HECW2: variants seen among roughly 807,000 people sequenced by gnomAD.
HECW2 encodes the protein E3 ubiquitin-protein ligase HECW2.
In HECW2, 61 loss-of-function variants were observed where a neutral mutation model predicts 175.2. The observed-to-expected ratio is 0.35, with a 90% CI of 0.28 to 0.43. The LOEUF (loss-of-function observed/expected upper bound fraction) is 0.43, where lower values mean the gene tolerates loss of function less well. Among genes scored for constraint, HECW2 ranks in the 20% least tolerant of loss-of-function variants. The probability of loss-of-function intolerance (pLI) is 1.00; values close to 1 mark genes in which losing one functional copy is unlikely to be tolerated. For synonymous variants in HECW2, 671 were observed against 731.0 expected (o/e 0.92, Z 1.32); for missense variants, 1,524 against 2,000.5 (o/e 0.76, Z 4.54).
chr2:196,467,694 C>A (rs1223196545), intron 1 of HECW2, among the ~76,000 whole-genome samples: 2 of 152,170 alleles, frequency 1.3e-5, no homozygotes, highest in Admixed American at 1.3e-4. Context: ...ATTGAGCATA[C>A]AAATTATCAC....
At chr2:196,560,904 C>T (rs556300510) in intron 1 of HECW2, among the ~76,000 whole-genome samples, 5 of 152,204 alleles carry the variant, frequency 3.3e-5, no homozygotes, top group Admixed American at 6.5e-5. Flanking sequence ...GGATGTATGT[C>T]GCCTCAGGAC....
intron 1 of HECW2, among the ~76,000 whole-genome samples, chr2:196,561,440 C>T (rs1689997577): frequency 6.6e-6 from 1 of 152,184 alleles, no homozygotes; most frequent in Non-Finnish European, 1.5e-5. Context: ...CCCGCCCTGA[C>T]CTTCTGCCTT....
At chr2:196,511,094 T>C (rs1440099795) in intron 1 of HECW2, among the ~76,000 whole-genome samples, 2 of 152,196 alleles carry the variant, frequency 1.3e-5, no homozygotes, top group African/African-American at 4.8e-5. Context: ...GCCTCCCAAG[T>C]AGCTGGGATT....
intron 2 of HECW2, among the ~76,000 whole-genome samples, chr2:196,349,458 G>A (rs1285991828): frequency 1.3e-5 from 2 of 151,952 alleles, no homozygotes; most frequent in East Asian, 1.9e-4. Context: ...TGTGTCTCAC[G>A]ACTTCTTCAT....
intron 19 of HECW2, among the ~76,000 whole-genome samples, chr2:196,245,086 T>A (rs1688597223): frequency 6.6e-6 from 1 of 151,994 alleles, no homozygotes; most frequent in Admixed American, 6.6e-5. Context: ...CTGGAGTGAG[T>A]GACTCAGAGA....
At chr2:196,396,281 T>C (rs892420933) in intron 2 of HECW2, among the ~76,000 whole-genome samples, 16 of 152,104 alleles carry the variant, frequency 1.1e-4, no homozygotes, top group African/African-American at 3.6e-4. Context: ...AAACAAGCAA[T>C]AGCACAAAAG....
chr2:196,388,172 C>G (rs995995195), intron 2 of HECW2, among the ~76,000 whole-genome samples: 1 of 151,990 alleles, frequency 6.6e-6, no homozygotes, highest in African/African-American at 2.4e-5. Flanking sequence ...GTGGCATGCA[C>G]CTGTAGTCTC....
intron 14 of HECW2, among the ~76,000 whole-genome samples, chr2:196,279,101 T>A (rs990136246): frequency 6.6e-6 from 1 of 151,946 alleles, no homozygotes; most frequent in African/African-American, 2.4e-5. Context: ...CAGGCTGGAG[T>A]GCAGTGGCGC....
chr2:196,451,670 C>A (rs1352648645), intron 1 of HECW2, among the ~76,000 whole-genome samples: 1 of 151,914 alleles, frequency 6.6e-6, no homozygotes, highest in Non-Finnish European at 1.5e-5. Flanking sequence ...GAGGCCAAGG[C>A]AAGAGGATCA....
chr2:196,510,284 AGT>A (rs1457741741), intron 1 of HECW2, among the ~76,000 whole-genome samples: 3 of 152,266 alleles, frequency 2.0e-5, no homozygotes, highest in African/African-American at 7.2e-5. Context: ...GTTGCAGACC[AGT>A]CCTAGAACTA....
chr2:196,346,694 A>G (rs1464555585), intron 2 of HECW2, among the ~76,000 whole-genome samples: 4 of 152,118 alleles, frequency 2.6e-5, no homozygotes, highest in African/African-American at 9.7e-5. Flanking sequence ...GTTAGTTCAT[A>G]GGCCATGTAG....
At chr2:196,335,329 T>C (rs1268544884) in intron 3 of HECW2, among the ~76,000 whole-genome samples, 1 of 152,234 alleles carries the variant, frequency 6.6e-6, no homozygotes, top group Non-Finnish European at 1.5e-5. Flanking sequence ...AAGATAAACC[T>C]ACAGTCACTG....
chr2:196,301,862 T>C (rs1691074467), intron 13 of HECW2, among the ~76,000 whole-genome samples: 1 of 152,180 alleles, frequency 6.6e-6, no homozygotes, highest in Non-Finnish European at 1.5e-5. Context: ...TAGTTTCTTT[T>C]GCTGTGTAGA....
chr2:196,236,681 C>T (rs745669355), intron 21 of HECW2, among the ~76,000 whole-genome samples: 7 of 152,158 alleles, frequency 4.6e-5, no homozygotes, highest in African/African-American at 1.7e-4. Context: ...GGTAAGGTAT[C>T]TTGTACAATG....
intron 2 of HECW2, among the ~76,000 whole-genome samples, chr2:196,419,567 G>C (rs1031884344): frequency 6.6e-6 from 1 of 152,128 alleles, no homozygotes; most frequent in Non-Finnish European, 1.5e-5. Context: ...TGTGGTCTTT[G>C]TAATATTGTT....
chr2:196,322,372 T>C (rs888756411), intron 7 of HECW2, 106 bp downstream of exon 7: 16 of 793,076 alleles, frequency 2.0e-5, no homozygotes, highest in Admixed American at 8.2e-5. Flanking sequence ...AGAATTGTGT[T>C]ACTACTTCTT....
intron 2 of HECW2, among the ~76,000 whole-genome samples, chr2:196,412,326 T>C (rs1695136528): frequency 1.3e-5 from 2 of 152,212 alleles, no homozygotes; most frequent in African/African-American, 2.4e-5. Flanking sequence ...CCCCTTTCCA[T>C]AGGGCAACAG....
intron 26 of HECW2, chr2:196,218,270 T>G (rs938292118): frequency 6.6e-6 from 1 of 152,220 alleles, no homozygotes; most frequent in Non-Finnish European, 1.5e-5. Flanking sequence ...TCATATTCTC[T>G]CCTAGCAGCT....
At chr2:196,321,391 C>CTCT (rs1553500197) in intron 7 of HECW2, among the ~76,000 whole-genome samples, 24 of 139,804 alleles carry the variant, frequency 1.7e-4, no homozygotes, top group African/African-American at 5.6e-4. Flanking sequence ...CTTTTTCTCT[C>CTCT]TTTTTTTTTT....
Sources: gnomAD v4.1 joint callset for allele counts (sites outside exome capture counted in the v4.1 genomes callset) on GRCh38, gnomAD v4.1.1 for gene constraint, MANE v1.5 for transcripts, NCBI Gene and HGNC (gene_info 2026-07-23, HGNC 2026-07-21) for gene names.